Variants in PLCE1 observed in about 807,000 individuals in gnomAD.
PLCE1 encodes the protein phospholipase C epsilon 1.
PLCE1 carries 119 observed loss-of-function variants against 242.8 expected under a neutral mutation model. That is an observed-to-expected ratio of 0.49 (90% CI 0.42 to 0.57). The LOEUF (loss-of-function observed/expected upper bound fraction) is 0.57. Ranked by LOEUF, PLCE1 falls within the 20% of genes least tolerant of loss-of-function variation. The pLI is 0.00. For synonymous variants in PLCE1, 945 were observed against 1,017.4 expected (o/e 0.93, Z 1.35); for missense variants, 2,441 against 2,788.8 (o/e 0.88, Z 2.81).
intron 2 of PLCE1, among the ~76,000 whole-genome samples, chr10:94,090,538 G>A (rs1313080637): frequency 6.6e-6 from 1 of 152,170 alleles, no homozygotes; most frequent in African/African-American, 2.4e-5. Flanking sequence ...CTTCCTTATG[G>A]AAGGTGCGGG....
chr10:94,086,144 T>C (rs1564673702), intron 2 of PLCE1, among the ~76,000 whole-genome samples: 1 of 152,148 alleles, frequency 6.6e-6, no homozygotes, highest in Admixed American at 6.5e-5. Flanking sequence ...GGTTAAGTGC[T>C]GTGCTGGGGA....
Position 94,032,086 on chromosome 10 carries a change from T to C in PLCE1, c.1040T>C (p.Ile347Thr). ...TCTGTGTATACTGGAACAAGAGCAATTGTGAGAACTCTGCCTTCTGGCCAC... is the reference window on the plus strand; with the variant it reads ...TCTGTGTATACTGGAACAAGAGCAACTGTGAGAACTCTGCCTTCTGGCCAC... ...KKSVYTGTRA[I>T]VRTLPSGHIG... is the part of the protein sequence containing the mutation. The change falls in exon 2 of 33, where the codon ATT becomes ACT. Residue 347 changes from isoleucine (I) to threonine (T), a missense_variant. Ile to Thr is a moderately conservative substitution (Grantham distance 89). Transcript: ENST00000371380. 6.2e-7 allele frequency: 1 copy of C among 1,611,838 alleles called. No individual in the cohort carries two copies. The highest frequency in any genetic ancestry group is 1.1e-5 in the South Asian group (1 of 90,690).
chr10:94,195,090 G>A (rs2689698), intron 4 of PLCE1, among the ~76,000 whole-genome samples: 102,812 of 151,972 alleles, frequency 0.68, 36,147 homozygotes, highest in South Asian at 0.81. Flanking sequence ...AACACTCTTT[G>A]GCCCAGAATG....
chr10:94,219,673 C>T (rs1270228578), intron 4 of PLCE1, among the ~76,000 whole-genome samples: 2 of 151,950 alleles, frequency 1.3e-5, no homozygotes, highest in Non-Finnish European at 2.9e-5. Flanking sequence ...AACAAAACCC[C>T]CTACACAAGG....
At chr10:94,256,466 A>G (rs910090660) in intron 11 of PLCE1, among the ~76,000 whole-genome samples, 2 of 152,200 alleles carry the variant, frequency 1.3e-5, no homozygotes, top group African/African-American at 4.8e-5. Flanking sequence ...TGCTTTATAC[A>G]TTCACATTCT....
At chr10:94,278,902 T>C (rs527554487) in intron 19 of PLCE1, among the ~76,000 whole-genome samples, 5 of 152,236 alleles carry the variant, frequency 3.3e-5, no homozygotes, top group African/African-American at 1.2e-4. Context: ...TGCAGAATTA[T>C]ATATGTGTGT....
chr10:94,044,821 T>A (rs1013492765), intron 2 of PLCE1, among the ~76,000 whole-genome samples: 17 of 152,128 alleles, frequency 1.1e-4, no homozygotes, highest in African/African-American at 3.9e-4. Context: ...CGATTTTTTT[T>A]TCTTGGATTC....
chr10:94,005,535 G>T (rs1174454944), intron 1 of PLCE1, among the ~76,000 whole-genome samples: 1 of 152,174 alleles, frequency 6.6e-6, no homozygotes, highest in Non-Finnish European at 1.5e-5. Context: ...GAAATGTCTG[G>T]TAAGGACTTC....
chr10:94,007,575 CTTTTTT>C (rs57779697), intron 1 of PLCE1, among the ~76,000 whole-genome samples: 3 of 107,260 alleles, frequency 2.8e-5, no homozygotes, highest in African/African-American at 3.7e-5. Context: ...TTCTCTCTCT[CTTTTTT>C]TTTTTTTTTT....
intron 29 of PLCE1, among the ~76,000 whole-genome samples, chr10:94,319,960 C>T (rs991165503): frequency 6.7e-6 from 1 of 149,200 alleles, no homozygotes; most frequent in African/African-American, 2.5e-5. Context: ...AATTCCGCCT[C>T]CCGGGTTCAC....
intron 2 of PLCE1, among the ~76,000 whole-genome samples, chr10:94,067,404 G>T (rs2044230392): frequency 6.6e-6 from 1 of 152,148 alleles, no homozygotes; most frequent in Non-Finnish European, 1.5e-5. Flanking sequence ...CAAACATCCT[G>T]AACCCAGGAG....
chr10:94,246,854 G>A (rs1255448705), intron 8 of PLCE1, among the ~76,000 whole-genome samples: 7 of 152,208 alleles, frequency 4.6e-5, no homozygotes, highest in African/African-American at 7.2e-5. Flanking sequence ...GCTCACGCCT[G>A]TAATCCCAGC....
Position 94,306,356 on chromosome 10 carries a change from A to T in PLCE1, c.5623-71A>T. 6.2e-7 allele frequency: 1 copy of T among 1,612,840 alleles called. No homozygotes were observed. The highest frequency in any genetic ancestry group is 8.5e-7 in the Non-Finnish European group (1 of 1,179,096). On this transcript the variant is annotated intron_variant, in intron 25 of 32. Coordinates refer to ENST00000371380, the MANE Select transcript of PLCE1 (RefSeq NM_016341.4). This position sits in a 1 kb window ranked among gnomAD's most constrained non-coding sequence, Gnocchi z 5.7. ...TTGGGATTCCTTTGCAGAGGGAAGC[A>T]GTGAGGTGCAGAGGTTGTCTTTCTT...
chr10:94,120,088 A>G (rs1328246481), intron 2 of PLCE1, among the ~76,000 whole-genome samples: 1 of 152,038 alleles, frequency 6.6e-6, no homozygotes, highest in Non-Finnish European at 1.5e-5. Context: ...GATTTTCCCC[A>G]CTAGGCTGGG....
chr10:94,080,174 T>C (rs1005987726), intron 2 of PLCE1, among the ~76,000 whole-genome samples: 5 of 152,172 alleles, frequency 3.3e-5, no homozygotes, highest in Admixed American at 2.6e-4. Context: ...TAGTCCCTCA[T>C]TTAAATGCCC....
intron 2 of PLCE1, among the ~76,000 whole-genome samples, chr10:94,093,353 GAAA>G (rs2045151835): frequency 1.3e-5 from 2 of 152,148 alleles, no homozygotes; most frequent in South Asian, 4.1e-4. Flanking sequence ...TTTCATTCTT[GAAA>G]TTGCTGAGAA....
At chr10:93,996,473 C>G (rs2060825652) in intron 1 of PLCE1, among the ~76,000 whole-genome samples, 1 of 152,076 alleles carries the variant, frequency 6.6e-6, no homozygotes, top group African/African-American at 2.4e-5. Flanking sequence ...TTTAGGGAAG[C>G]ATGTGATTTA....
chr10:94,166,579 GGTGTGT>G (rs56088035), intron 3 of PLCE1, among the ~76,000 whole-genome samples: 61 of 145,870 alleles, frequency 4.2e-4, no homozygotes, highest in Middle Eastern at 3.4e-3. Flanking sequence ...AGAGAAAAAA[GGTGTGT>G]GTGTGTGTGT....
chr10:94,285,639 G>A (rs2052416025), intron 22 of PLCE1, among the ~76,000 whole-genome samples: 1 of 152,136 alleles, frequency 6.6e-6, no homozygotes, highest in Non-Finnish European at 1.5e-5. Flanking sequence ...TTCAGTGTAA[G>A]AGTCTCTTCC....
Sources: allele counts gnomAD v4.1 joint callset (sites outside exome capture counted in the v4.1 genomes callset), GRCh38; gene constraint gnomAD v4.1.1; non-coding constraint Gnocchi (gnomAD v3.1); transcripts MANE v1.5; gene names NCBI Gene and HGNC (gene_info 2026-07-23, HGNC 2026-07-21).